GRIK3: variants seen among roughly 807,000 people sequenced by gnomAD.
GRIK3 encodes glutamate ionotropic receptor kainate type subunit 3.
In GRIK3, 29 loss-of-function variants were observed where a neutral mutation model predicts 102.5. The ratio of observed to expected loss-of-function variants is 0.28; its 90% CI spans 0.21 to 0.39. The LOEUF (loss-of-function observed/expected upper bound fraction) is 0.39. GRIK3 is among the 10% of genes least tolerant of loss of function. The pLI is 1.00. For synonymous variants in GRIK3, 511 were observed against 504.9 expected (o/e 1.01, Z -0.16); for missense variants, 908 against 1,252.4 (o/e 0.73, Z 4.15).
At chr1:36,963,169 T>C (rs1642034223) in intron 1 of GRIK3, among the ~76,000 whole-genome samples, 1 of 152,070 alleles carries the variant, frequency 6.6e-6, no homozygotes, top group African/African-American at 2.4e-5. Flanking sequence ...CCCATCTGCC[T>C]CTCCACAGGA....
At chr1:36,988,298 A>G (rs924025152) in intron 1 of GRIK3, among the ~76,000 whole-genome samples, 18 of 152,372 alleles carry the variant, frequency 1.2e-4, no homozygotes, top group African/African-American at 3.4e-4. Context: ...CTCAAAGAAG[A>G]AAAGAAAACC....
At position 36,805,223 on chromosome 1, in the gene GRIK3, C is replaced by T. The variant is rs140290086; in HGVS notation, c.2329G>A (p.Asp777Asn). The T allele has an allele frequency of 6.2e-7, 1 of 1,611,532 alleles. No individual in the cohort carries two copies. The highest frequency in any genetic ancestry group is 8.5e-7 in the Non-Finnish European group (1 of 1,178,642). Residue 777 changes from aspartate (D) to asparagine (N), a missense_variant, in exon 15 of 16, where the codon GAC (aspartate) becomes AAC (asparagine). By Grantham distance (23) the Asp-to-Asn change is conservative. Coordinates refer to ENST00000373091, the MANE Select transcript of GRIK3 (RefSeq NM_000831.4). Reference sequence around the variant, plus strand: ...TGCAGGATGGCGATGGTGATCTTGTCCCGGTATGGGGAGCCTGAGCAGGGA... The same window carrying T: ...TGCAGGATGGCGATGGTGATCTTGTTCCGGTATGGGGAGCCTGAGCAGGGA... ...IGTPMGSPYR[D>N]KITIAILQLQ...
intron 1 of GRIK3, among the ~76,000 whole-genome samples, chr1:36,992,684 C>T (rs1415137324): frequency 6.6e-6 from 1 of 152,184 alleles, no homozygotes; most frequent in Non-Finnish European, 1.5e-5. Context: ...GAGGGCAGTA[C>T]TTATAAACAT....
chr1:36,957,016 C>A (rs1641919273), intron 1 of GRIK3, among the ~76,000 whole-genome samples: 1 of 152,230 alleles, frequency 6.6e-6, no homozygotes, highest in Non-Finnish European at 1.5e-5. Context: ...GGAGCAAGAC[C>A]CCCTCTGCTG....
chr1:36,926,522 C>G (rs948539057), intron 1 of GRIK3, among the ~76,000 whole-genome samples: 10 of 152,100 alleles, frequency 6.6e-5, no homozygotes, highest in African/African-American at 2.4e-4. Flanking sequence ...TCCTAAGTAG[C>G]TGGGACTACA....
intron 15 of GRIK3, among the ~76,000 whole-genome samples, chr1:36,803,675 C>G (rs548246320): frequency 6.6e-6 from 1 of 152,154 alleles, no homozygotes; most frequent in African/African-American, 2.4e-5. Flanking sequence ...GTGATCCACC[C>G]GACTCGGCCT....
chr1:36,951,444 T>C (rs558185390), intron 1 of GRIK3, among the ~76,000 whole-genome samples: 2 of 152,314 alleles, frequency 1.3e-5, no homozygotes, highest in East Asian at 3.9e-4. Flanking sequence ...TTCTTCCCAC[T>C]GCACACTTGG....
intron 1 of GRIK3, among the ~76,000 whole-genome samples, chr1:37,017,171 C>T (rs184090586): frequency 4.6e-5 from 7 of 150,786 alleles, no homozygotes; most frequent in Admixed American, 2.6e-4. Flanking sequence ...GCCGAGATTG[C>T]ACCACTGCAG....
chr1:36,986,280 A>G (rs180680030), intron 1 of GRIK3, among the ~76,000 whole-genome samples: 1 of 152,178 alleles, frequency 6.6e-6, no homozygotes, highest in East Asian at 1.9e-4. Flanking sequence ...CAATGCATCC[A>G]TCCACCCACT....
At chr1:36,814,879 C>T (rs1477226376) in intron 13 of GRIK3, among the ~76,000 whole-genome samples, 1 of 152,164 alleles carries the variant, frequency 6.6e-6, no homozygotes, top group Non-Finnish European at 1.5e-5. Flanking sequence ...CACATGTCCA[C>T]ATGCCCAGAT....
Position 37,033,483 on chromosome 1 carries a change from G to C in GRIK3, c.115+511C>G, listed in dbSNP as rs1441839312. On this transcript the variant is annotated intron_variant, in intron 1 of 15. Coordinates refer to ENST00000373091, the MANE Select transcript of GRIK3 (RefSeq NM_000831.4). ...CACCGAGGCCAAGGGCGACCACCAGGAGAGAAGACCGGCTGCCCTCGTCAT... is the reference window on the plus strand; with the variant it reads ...CACCGAGGCCAAGGGCGACCACCAGCAGAGAAGACCGGCTGCCCTCGTCAT... Among the ~76,000 whole-genome samples the C allele has an allele frequency of 2.0e-5, 3 of 152,330 alleles. No individual in the cohort carries two copies. The South Asian group carries it at 6.2e-4, about 32-fold the overall frequency.
Position 36,842,603 on chromosome 1 carries a change from TGGTAACAGGGACAGCTCATC to T in GRIK3, c.1327-684_1327-665del, listed in dbSNP as rs59763775. ...GTTAGGATCCCAGGGGAGTGATTAC[TGGTAACAGGGACAGCTCATC>T]GGTAGGTGGCTGTGCCGGGCACTGG... On this transcript the variant is annotated intron_variant, in intron 9 of 15. Transcript: ENST00000373091. Among the ~76,000 whole-genome samples the T allele has an allele frequency of 1.0e-3, 158 of 152,322 alleles. 2 individuals are homozygous for T. The highest frequency in any genetic ancestry group is 3.4e-3 in the Middle Eastern group (1 of 294).
intron 1 of GRIK3, among the ~76,000 whole-genome samples, chr1:37,015,410 T>C (rs532356202): frequency 6.6e-6 from 1 of 152,308 alleles, no homozygotes; most frequent in African/African-American, 2.4e-5. Context: ...ATCTCCCAAA[T>C]TAATCTGAAG....
intron 1 of GRIK3, among the ~76,000 whole-genome samples, chr1:37,031,538 T>G (rs1642828098): frequency 6.6e-6 from 1 of 152,228 alleles, no homozygotes; most frequent in African/African-American, 2.4e-5. Context: ...CTCTGGCACC[T>G]GCAAGAAAGC....
chr1:36,872,278 C>T lies in GRIK3; in HGVS notation c.642G>A (p.Ser214=), dbSNP rs141315852. ...GCTTCATCTCCTTGAGCAAGGGGCG[C>T]GAGTCGTCAGAGTCGATGGGGAGCT... ...IRQLPIDSDD[S]RPLLKEMKRG... The change falls in exon 4 of 16, where the codon TCG becomes TCA. Residue 214 remains serine (S), a synonymous_variant. Transcript: ENST00000373091. This position sits in a 1 kb window ranked among gnomAD's most constrained non-coding sequence, Gnocchi z 5.9. The T allele has an allele frequency of 3.2e-5, 52 of 1,613,142 alleles. No individual in the cohort carries two copies. Among genetic ancestry groups the T allele is most frequent in the Middle Eastern group, 1.7e-4 (1 of 6,060 alleles).
rs568255495 is a variant in GRIK3, at chr1:36,863,506, T to C, written c.787-3489A>G. 8.3e-4 allele frequency among the ~76,000 whole-genome samples: 127 copies of C among 152,286 alleles called. 1 individual carries two copies. The highest frequency in any genetic ancestry group is 4.0e-4 in the Non-Finnish European group (27 of 68,012). On this transcript the variant is annotated intron_variant, in intron 5 of 15. Coordinates refer to ENST00000373091, the MANE Select transcript of GRIK3 (RefSeq NM_000831.4). Reference sequence around the variant, plus strand: ...CAATTTTTTTGTCCCAGGATGCAAGTTCAGGCCTTAATTTTCCCAGTCTCG... The same window carrying C: ...CAATTTTTTTGTCCCAGGATGCAAGCTCAGGCCTTAATTTTCCCAGTCTCG...
chr1:37,015,380 G>A (rs376347209), intron 1 of GRIK3, among the ~76,000 whole-genome samples: 239 of 152,274 alleles, frequency 1.6e-3, no homozygotes, highest in African/African-American at 5.4e-3. Flanking sequence ...CTAGAAAGCC[G>A]GAGGTTCCGC....
At chr1:37,030,005 C>CA (rs1332412989) in intron 1 of GRIK3, among the ~76,000 whole-genome samples, 14 of 152,196 alleles carry the variant, frequency 9.2e-5, no homozygotes, top group African/African-American at 2.9e-4. Context: ...ATTCTGACAT[C>CA]AAAAGACTGT....
At chr1:36,996,039 C>T (rs1269170092) in intron 1 of GRIK3, among the ~76,000 whole-genome samples, 4 of 152,174 alleles carry the variant, frequency 2.6e-5, no homozygotes, top group African/African-American at 4.8e-5. Context: ...TCTGGTGGCC[C>T]GAGATCCTCC....
Sources: gnomAD v4.1 joint callset for allele counts (sites outside exome capture counted in the v4.1 genomes callset) on GRCh38, gnomAD v4.1.1 for gene constraint, Gnocchi (gnomAD v3.1) non-coding constraint, MANE v1.5 for transcripts, NCBI Gene and HGNC (gene_info 2026-07-23, HGNC 2026-07-21) for gene names.